FLYWCH1: variants seen among roughly 807,000 people sequenced by gnomAD.
FLYWCH1 encodes the protein FLYWCH-type zinc finger-containing protein 1.
FLYWCH1 carries 75 observed loss-of-function variants against 66.4 expected under a neutral mutation model. The observed-to-expected ratio is 1.13, with a 90% CI of 0.94 to 1.37. The LOEUF (loss-of-function observed/expected upper bound fraction) is 1.37, where lower values mean the gene tolerates loss of function less well. FLYWCH1 is among the 40% of genes most tolerant of loss of function. FLYWCH1 has a pLI of 0.00. For synonymous variants in FLYWCH1, 595 were observed against 429.9 expected, an observed-to-expected ratio of 1.38 and a Z score of -4.75; for missense variants, 1,334 against 1,001.8, an observed-to-expected ratio of 1.33 and a Z score of -4.48.
chr16:2,921,062 C>T (rs561579909), intron 2 of FLYWCH1, among the ~76,000 whole-genome samples: 10 of 150,884 alleles, frequency 6.6e-5, no homozygotes, highest in South Asian at 2.1e-4. Flanking sequence ...CGGATGGTCT[C>T]GATCTGCTGA....
chr16:2,932,593 C>T (rs931918753), intron 4 of FLYWCH1, among the ~76,000 whole-genome samples: 1 of 152,050 alleles, frequency 6.6e-6, no homozygotes, highest in Non-Finnish European at 1.5e-5. Context: ...GCCCTGGGCA[C>T]CTGGGGTGGG....
rs2071616273 is a variant in FLYWCH1, at chr16:2,949,555, A to G, written c.*828A>G. 1 of 152,154 alleles carries G rather than the reference A, an allele frequency of 6.6e-6. No individual in the cohort carries two copies. Among genetic ancestry groups the G allele is most frequent in the African/African-American group, 2.4e-5 (1 of 41,416 alleles). 9.4% of individuals were successfully genotyped at this position (152,154 alleles called of 1,614,324 possible). ...CAGCTTCACAGAGTGTGGCTTCACC[A>G]GTCAGAGGGAGCAGTCCGGAGAGGC... On this transcript the variant is annotated 3_prime_UTR_variant, in exon 10 of 10. Coordinates refer to ENST00000253928, the MANE Select transcript of FLYWCH1 (RefSeq NM_001308068.2).
intron 2 of FLYWCH1, among the ~76,000 whole-genome samples, chr16:2,923,402 A>G (rs1177775556): frequency 6.6e-6 from 1 of 152,038 alleles, no homozygotes; most frequent in Non-Finnish European, 1.5e-5. Context: ...GTCCGCCACC[A>G]CGCCCGGCTA....
chr16:2,927,365 G>A (rs757826014), intron 2 of FLYWCH1, among the ~76,000 whole-genome samples: 13 of 152,126 alleles, frequency 8.5e-5, no homozygotes, highest in Non-Finnish European at 1.5e-4. Flanking sequence ...GAGCACCTGC[G>A]GTGGCTAATG....
intron 2 of FLYWCH1, among the ~76,000 whole-genome samples, chr16:2,923,692 C>T (rs2070457321): frequency 6.6e-6 from 1 of 152,190 alleles, no homozygotes; most frequent in South Asian, 2.1e-4. Context: ...GGAGCTCACA[C>T]ATAGTTTTAT....
At chr16:2,940,461 G>A (rs1485246601) in intron 9 of FLYWCH1, among the ~76,000 whole-genome samples, 2 of 152,196 alleles carry the variant, frequency 1.3e-5, no homozygotes, top group African/African-American at 4.8e-5. Context: ...TTTTTGAGAT[G>A]GAGTCTGTGT....
intron 2 of FLYWCH1, among the ~76,000 whole-genome samples, chr16:2,917,822 C>A (rs1224937482): frequency 6.8e-6 from 1 of 147,194 alleles, no homozygotes; most frequent in Non-Finnish European, 1.5e-5. Flanking sequence ...CCTCTCCCCA[C>A]CCCCCAAAAT....
At chr16:2,934,026 G>A in intron 6 of FLYWCH1, 47 bp downstream of exon 6, 1 of 1,467,624 alleles carries the variant, frequency 6.8e-7, no homozygotes. Context: ...GCAGGCAGGA[G>A]CCCCACACTG....
At chr16:2,927,244 G>T (rs766208016) in intron 2 of FLYWCH1, among the ~76,000 whole-genome samples, 1 of 152,176 alleles carries the variant, frequency 6.6e-6, no homozygotes, top group Non-Finnish European at 1.5e-5. Context: ...AGTGGACAAG[G>T]TAGCACACTG....
intron 2 of FLYWCH1, among the ~76,000 whole-genome samples, chr16:2,918,845 C>T (rs984850227): frequency 6.6e-6 from 1 of 152,200 alleles, no homozygotes; most frequent in Non-Finnish European, 1.5e-5. Flanking sequence ...GGATTGAGGG[C>T]TAGAACGTAG....
Position 2,930,465 on chromosome 16 carries a change from G to A in FLYWCH1, c.381G>A (p.Val127=). ...CACCATTCGGGGGCCGCCTCCTGGT[G>A]CTGGAGTCCTTCCTGTACAAGCAGG... ...LRTPFGGRLL[V]LESFLYKQEK... Residue 127 remains valine (V), a synonymous_variant, in exon 4 of 10, where the codon GTG becomes GTA. Transcript: ENST00000253928. The A allele has an allele frequency of 6.6e-7, 1 of 1,510,764 alleles. No homozygotes were observed. Among genetic ancestry groups the A allele is most frequent in the Non-Finnish European group, 8.8e-7 (1 of 1,132,410 alleles). The allele number at this position is 1,510,764 out of a possible 1,614,324, so 93.6% of individuals were successfully genotyped here. A position where few individuals can be genotyped will look rare whatever the true frequency, so the allele number is the denominator to read the frequency against.
chr16:2,948,972 G>T lies in FLYWCH1; in HGVS notation c.*245G>T. The T allele has an allele frequency of 1.9e-6, 1 of 526,330 alleles. No individual in the cohort carries two copies. The highest frequency in any genetic ancestry group is 3.5e-6 in the Non-Finnish European group (1 of 289,126). 32.6% of individuals were successfully genotyped at this position (526,330 alleles called of 1,614,324 possible). A position where few individuals can be genotyped will look rare whatever the true frequency, so the allele number is the denominator to read the frequency against. On this transcript the variant is annotated 3_prime_UTR_variant, in exon 10 of 10. Transcript: ENST00000253928. ...GCAGCTGTCGTGGGGCAGGGCGGTG[G>T]CGCCTTCCTGACCTTTGGAAGACAT... is the stretch of plus-strand genomic sequence containing the variant.
chr16:2,923,613 C>T (rs914348871), intron 2 of FLYWCH1, among the ~76,000 whole-genome samples: 2 of 152,186 alleles, frequency 1.3e-5, no homozygotes, highest in African/African-American at 4.8e-5. Flanking sequence ...TTGTTTCCCT[C>T]GTTACAAGCC....
chr16:2,911,939 G>GCGC lies in FLYWCH1; in HGVS notation c.-401_-399dup, dbSNP rs1472898797. ...CTTGCTGCGCATGCTCTGAAGTAGC[G>GCGC]CGCCTGAGCGTTCCGCAAGGCCGGC... On this transcript the variant is annotated 5_prime_UTR_variant, in exon 1 of 10. Transcript: ENST00000253928. The GCGC allele has an allele frequency of 1.3e-5, 2 of 152,150 alleles. No homozygotes were observed. Among genetic ancestry groups the GCGC allele is most frequent in the African/African-American group, 4.8e-5 (2 of 41,452 alleles). 9.4% of individuals were successfully genotyped at this position (152,150 alleles called of 1,614,324 possible).
intron 2 of FLYWCH1, among the ~76,000 whole-genome samples, chr16:2,921,201 C>T (rs1013324485): frequency 3.3e-5 from 5 of 152,174 alleles, no homozygotes; most frequent in East Asian, 3.8e-4. Flanking sequence ...ATGATTTCTC[C>T]ATCTAAAGTC....
rs2071400255 is a variant in FLYWCH1, at chr16:2,944,527, A to T, written c.2112-4161A>T. On this transcript the variant is annotated intron_variant, in intron 9 of 9. Transcript: ENST00000253928. ...AGAATATACTCCTACTTATTTAAAA[A>T]GTCAACTGTAGGCCAGCCACAGCAT... 2.0e-5 allele frequency among the ~76,000 whole-genome samples: 3 copies of T among 152,126 alleles called. No homozygotes were observed. The South Asian group carries it at 6.2e-4, about 32-fold the overall frequency.
chr16:2,945,979 A>G (rs1283769338), intron 9 of FLYWCH1, among the ~76,000 whole-genome samples: 5 of 152,122 alleles, frequency 3.3e-5, no homozygotes, highest in Non-Finnish European at 5.9e-5. Context: ...CCTGGGCAAC[A>G]GAGCGAGACT....
rs770280089 is a variant in FLYWCH1, at chr16:2,948,703, C to G, written c.2127C>G (p.Val709=). ...TTGTAATTAGGGACATCAAAGACGT[C>G]AGACTGGATGGCGAGTCCCAGTGAG... ...SQQIYGDIKD[V]RLDGESQ The change falls in exon 10 of 10, where the codon GTC becomes GTG. Residue 709 remains valine, a synonymous_variant. Transcript: ENST00000253928. 1.2e-6 allele frequency: 2 copies of G among 1,613,912 alleles called. No individual in the cohort carries two copies. Among genetic ancestry groups the G allele is most frequent in the South Asian group, 1.1e-5 (1 of 91,080 alleles).
rs142225152 is a variant in FLYWCH1 at position 2,921,101 on chromosome 16, AAAG to A, written c.-74+6813_-74+6815del. Among the ~76,000 whole-genome samples the A allele has an allele frequency of 2.9e-3, 441 of 149,844 alleles. 3 individuals carry two copies. The highest frequency in any genetic ancestry group is 0.011 in the African/African-American group (427 of 40,604). On this transcript the variant is annotated intron_variant, in intron 2 of 9. Coordinates refer to ENST00000253928, the MANE Select transcript of FLYWCH1 (RefSeq NM_001308068.2). ...CGTGATCTGCCCGCCTCGGCCTCCC[AAAG>A]TGCTGGGATTACAGGCGTGAGCCAC...
Sources: allele counts gnomAD v4.1 joint callset (sites outside exome capture counted in the v4.1 genomes callset), GRCh38; gene constraint gnomAD v4.1.1; transcripts MANE v1.5; gene names NCBI Gene and HGNC (gene_info 2026-07-23, HGNC 2026-07-21).